Variants in MGA observed in about 807,000 individuals in gnomAD.
MGA encodes MAX dimerization protein MGA, also known as MAX gene-associated protein.
In MGA, 40 loss-of-function variants were observed where a neutral mutation model predicts 261.1. The ratio of observed to expected loss-of-function variants is 0.15; its 90% CI spans 0.12 to 0.20. The LOEUF (loss-of-function observed/expected upper bound fraction) is 0.20. MGA is among the 10% of genes least tolerant of loss of function. MGA has a pLI of 1.00. For synonymous variants in MGA, 1,302 were observed against 1,290.6 expected, an observed-to-expected ratio of 1.01 and a Z score of -0.19; for missense variants, 3,397 against 3,630.5, an observed-to-expected ratio of 0.94 and a Z score of 1.65.
intron 5 of MGA, among the ~76,000 whole-genome samples, chr15:41,699,566 A>G (rs771487950): frequency 2.6e-5 from 4 of 152,210 alleles, no homozygotes; most frequent in South Asian, 2.1e-4. Flanking sequence ...CAGTGGTGCA[A>G]TCTCTGCTCA....
rs536829836 is a variant in MGA at position 41,718,286 on chromosome 15, A to AGTGTGT, written c.3430+4801_3430+4806dup. On this transcript the variant is annotated intron_variant, in intron 9 of 23. Coordinates refer to ENST00000219905, the MANE Select transcript of MGA (RefSeq NM_001164273.2). ...ATCTTGATATATGTAGTGTATATGTAGTGTGTGTGTGTGTGTATATATATA... is the reference window on the plus strand; with the variant it reads ...ATCTTGATATATGTAGTGTATATGTAGTGTGTGTGTGTGTGTGTGTGTATATATATA... 3.6e-4 allele frequency: 76 copies of AGTGTGT among 209,526 alleles called. No individual in the cohort carries two copies. In the South Asian group the frequency reaches 9.4e-3, roughly 26 times the overall value. The allele number at this position is 209,526 out of a possible 1,614,324, so 13.0% of individuals were successfully genotyped here. A position where few individuals can be genotyped will look rare whatever the true frequency, so the allele number is the denominator to read the frequency against.
At chr15:41,696,009 T>TC (rs200699108) in intron 2 of MGA, 66 bp from the exon 3 acceptor site, 2 of 1,143,796 alleles carry the variant, frequency 1.7e-6, no homozygotes, top group Non-Finnish European at 1.2e-6. Context: ...TTTTTTTTTT[T>TC]CTCTTCAAGT....
intron 2 of MGA, among the ~76,000 whole-genome samples, chr15:41,692,268 A>G (rs1157181256): frequency 6.6e-6 from 1 of 152,148 alleles, no homozygotes; most frequent in Non-Finnish European, 1.5e-5. Flanking sequence ...TTGGTAGACT[A>G]CATGTTCTCT....
upstream of MGA, among the ~76,000 whole-genome samples, chr15:41,657,755 A>T (rs954063561): frequency 1.2e-4 from 18 of 151,870 alleles, no homozygotes; most frequent in Non-Finnish European, 7.4e-5. Flanking sequence ...GTTCTTTATT[A>T]TATTGATATT....
At chr15:41,649,846 A>AT (rs570030155) in intron 1 of MGA, among the ~76,000 whole-genome samples, 7 of 151,872 alleles carry the variant, frequency 4.6e-5, no homozygotes, top group South Asian at 2.1e-4. Flanking sequence ...CACCTGGCTA[A>AT]TTTTTTTTAT....
At chr15:41,755,345 GT>G (rs1230935812) in intron 18 of MGA, among the ~76,000 whole-genome samples, 1 of 152,206 alleles carries the variant, frequency 6.6e-6, no homozygotes, top group Non-Finnish European at 1.5e-5. Flanking sequence ...AGGACTAATA[GT>G]TTTCTTCAGT....
At chr15:41,737,839 G>A (rs948925270) in intron 13 of MGA, among the ~76,000 whole-genome samples, 6 of 152,066 alleles carry the variant, frequency 3.9e-5, no homozygotes, top group African/African-American at 1.4e-4. Flanking sequence ...AGTTAGCCCG[G>A]CGTGGTGGCG....
chr15:41,705,545 A>G (rs1032691507), intron 5 of MGA, among the ~76,000 whole-genome samples: 2 of 152,018 alleles, frequency 1.3e-5, no homozygotes, highest in African/African-American at 4.8e-5. Context: ...AATTTTTTGT[A>G]GAAATGGGGT....
intron 2 of MGA, among the ~76,000 whole-genome samples, chr15:41,674,151 C>T (rs1177454964): frequency 6.6e-6 from 1 of 152,066 alleles, no homozygotes; most frequent in Non-Finnish European, 1.5e-5. Context: ...CTCAGCTTCC[C>T]AAGTGCTGGA....
intron 18 of MGA, 132 bp downstream of exon 18, chr15:41,754,699 A>C: frequency 9.9e-7 from 1 of 1,006,398 alleles, no homozygotes; most frequent in Non-Finnish European, 1.4e-6. Flanking sequence ...TGATTAGTAT[A>C]GATGAGGAGA....
chr15:41,708,089 C>A lies in MGA; in HGVS notation c.2321-15C>A. Reference sequence around the variant, plus strand: ...GCTAGAATTTTGGTCATCTGTTTGACTTTTTCTTTTATAGATGCGGGATTT... The same window carrying A: ...GCTAGAATTTTGGTCATCTGTTTGAATTTTTCTTTTATAGATGCGGGATTT... On this transcript the variant is annotated splice_polypyrimidine_tract_variant and intron_variant, in intron 6 of 23. Coordinates refer to ENST00000219905, the MANE Select transcript of MGA (RefSeq NM_001164273.2). 6.5e-7 allele frequency: 1 copy of A among 1,550,234 alleles called. No homozygotes were observed. Among genetic ancestry groups the A allele is most frequent in the Non-Finnish European group, 8.7e-7 (1 of 1,149,562 alleles).
At chr15:41,744,414 A>C (rs980959072) in intron 15 of MGA, among the ~76,000 whole-genome samples, 2 of 152,108 alleles carry the variant, frequency 1.3e-5, no homozygotes, top group Non-Finnish European at 2.9e-5. Flanking sequence ...CATTTTGGTC[A>C]GGCTGATCTC....
intron 1 of MGA, among the ~76,000 whole-genome samples, chr15:41,647,130 A>G (rs1160369707): frequency 6.6e-6 from 1 of 151,976 alleles, no homozygotes; most frequent in South Asian, 2.1e-4. Context: ...TGGGTCATAC[A>G]CCCCTCGGAA....
chr15:41,708,292 C>A (rs889475362), intron 7 of MGA, 84 bp downstream of exon 7: 7 of 963,750 alleles, frequency 7.3e-6, no homozygotes, highest in Non-Finnish European at 1.1e-5. Flanking sequence ...GGTTGTTTTT[C>A]TTCATTCCTT....
intron 18 of MGA, among the ~76,000 whole-genome samples, chr15:41,756,922 G>A (rs2063183398): frequency 6.6e-6 from 1 of 151,950 alleles, no homozygotes; most frequent in African/African-American, 2.4e-5. Context: ...TGAAACAAAT[G>A]AGTTGCAGAA....
chr15:41,746,065 C>A (rs2062447797), intron 15 of MGA, among the ~76,000 whole-genome samples: 1 of 152,094 alleles, frequency 6.6e-6, no homozygotes, highest in African/African-American at 2.4e-5. Flanking sequence ...TTTGATTTTT[C>A]TCCTTTTCCT....
chr15:41,727,645 A>G (rs2061321082), intron 10 of MGA, among the ~76,000 whole-genome samples: 1 of 152,218 alleles, frequency 6.6e-6, no homozygotes. Context: ...TCATAGAAAC[A>G]TAGGCTTTTT....
At position 41,675,524 on chromosome 15, in the gene MGA, C is replaced by T. The variant is rs528640639; in HGVS notation, c.1064+5566C>T. On this transcript the variant is annotated intron_variant, in intron 2 of 23. Transcript: ENST00000219905. Reference sequence around the variant, plus strand: ...TAGTAGCTGGGACTACAGGCATGCACCACCACGCCCAGTTAATTTTTAAAA... The same window carrying T: ...TAGTAGCTGGGACTACAGGCATGCATCACCACGCCCAGTTAATTTTTAAAA... Among the ~76,000 whole-genome samples the T allele has an allele frequency of 2.0e-5, 3 of 152,148 alleles. No homozygotes were observed. The South Asian group carries it at 6.2e-4, about 32-fold the overall frequency.
chr15:41,676,003 C>T (rs2058353059), intron 2 of MGA, among the ~76,000 whole-genome samples: 1 of 152,178 alleles, frequency 6.6e-6, no homozygotes. Context: ...CCAACCTAAG[C>T]ACAGATCATT....
Sources: allele counts gnomAD v4.1 joint callset (sites outside exome capture counted in the v4.1 genomes callset), GRCh38; gene constraint gnomAD v4.1.1; transcripts MANE v1.5; gene names NCBI Gene and HGNC (gene_info 2026-07-23, HGNC 2026-07-21).